SFMBT2: variants seen among roughly 807,000 people sequenced by gnomAD.
SFMBT2 encodes Scm like with four mbt domains 2.
SFMBT2 carries 38 observed loss-of-function variants against 110.1 expected under a neutral mutation model. The observed-to-expected ratio is 0.35, with a 90% CI of 0.27 to 0.45. SFMBT2 has a LOEUF of 0.45. Ranked by LOEUF, SFMBT2 falls within the 20% of genes least tolerant of loss-of-function variation. SFMBT2 has a pLI of 1.00. For synonymous variants in SFMBT2, 425 were observed against 425.4 expected (o/e 1.00, Z 0.01); for missense variants, 1,011 against 1,094.9 (o/e 0.92, Z 1.08).
intron 11 of SFMBT2, among the ~76,000 whole-genome samples, chr10:7,218,257 A>G (rs1839608150): frequency 6.6e-6 from 1 of 152,200 alleles, no homozygotes; most frequent in South Asian, 2.1e-4. Context: ...TTTATTCCCA[A>G]CATGGAGGAA....
chr10:7,286,029 C>A (rs1842077705), intron 4 of SFMBT2, 75 bp from the exon 5 acceptor site: 2 of 756,180 alleles, frequency 2.6e-6, no homozygotes, highest in African/African-American at 1.7e-5. Flanking sequence ...AGTATCCAAT[C>A]AACTTAAAAT....
intron 4 of SFMBT2, among the ~76,000 whole-genome samples, chr10:7,309,827 T>C (rs1011863422): frequency 1.4e-4 from 21 of 152,116 alleles, no homozygotes; most frequent in Non-Finnish European, 2.6e-4. Flanking sequence ...TCTGTAACAA[T>C]GAAAAACCAA....
chr10:7,276,478 T>C (rs905824991), intron 7 of SFMBT2, among the ~76,000 whole-genome samples: 2 of 137,636 alleles, frequency 1.5e-5, no homozygotes, highest in African/African-American at 5.8e-5. Flanking sequence ...GCATTTAAAA[T>C]GGAAACTGGT....
At chr10:7,375,095 A>T (rs1845165294) in intron 2 of SFMBT2, among the ~76,000 whole-genome samples, 1 of 152,250 alleles carries the variant, frequency 6.6e-6, no homozygotes, top group Admixed American at 6.5e-5. Flanking sequence ...ACCGACTAGG[A>T]AAAGCTACGA....
At position 7,159,263 on chromosome 10, in the gene SFMBT2, G is replaced by C. The variant is rs1837488594; in HGVS notation, c.*4507C>G. 6.6e-6 allele frequency: 1 copy of C among 152,134 alleles called. No individual in the cohort carries two copies. 9.4% of individuals were successfully genotyped at this position (152,134 alleles called of 1,614,324 possible). A position where few individuals can be genotyped will look rare whatever the true frequency, so the allele number is the denominator to read the frequency against. ...GTTGTTACTTGTCATTGAAACTAGA[G>C]AGGTTTTAAACCAAAATTCAAGGCA... On this transcript the variant is annotated 3_prime_UTR_variant, in exon 21 of 21. Transcript: ENST00000397167.
At chr10:7,250,220 T>G (rs1840758400) in intron 7 of SFMBT2, among the ~76,000 whole-genome samples, 2 of 152,170 alleles carry the variant, frequency 1.3e-5, no homozygotes, top group South Asian at 4.2e-4. Context: ...ATAGGTAACT[T>G]TTCGACCCAT....
intron 13 of SFMBT2, 200 bp downstream of exon 13, chr10:7,202,280 C>T (rs2497443): frequency 0.99 from 270,784 of 273,244 alleles, 134,250 homozygotes; most frequent in East Asian, 1. Context: ...ATCTGGATTG[C>T]GAGTGCCTTG....
intron 9 of SFMBT2, among the ~76,000 whole-genome samples, chr10:7,239,834 G>A (rs1474847590): frequency 1.3e-5 from 2 of 152,098 alleles, no homozygotes; most frequent in South Asian, 2.1e-4. Flanking sequence ...AGTGAAGTGT[G>A]GATACGGTTG....
chr10:7,377,168 C>CA (rs58212127), intron 2 of SFMBT2, among the ~76,000 whole-genome samples: 33 of 83,822 alleles, frequency 3.9e-4, no homozygotes, highest in Non-Finnish European at 6.2e-4. Context: ...GACTCCATCT[C>CA]AAAAAAAAAA....
chr10:7,191,494 A>T (rs1317050941), intron 15 of SFMBT2, among the ~76,000 whole-genome samples: 1 of 152,236 alleles, frequency 6.6e-6, no homozygotes, highest in African/African-American at 2.4e-5. Flanking sequence ...TTCTTCTCTT[A>T]GGATTGTTCT....
intron 1 of SFMBT2, among the ~76,000 whole-genome samples, chr10:7,388,229 G>GTT (rs79691695): frequency 7.0e-6 from 1 of 142,670 alleles, no homozygotes. Context: ...AGCCAATGGA[G>GTT]TTTTTTTTTT....
intron 7 of SFMBT2, among the ~76,000 whole-genome samples, chr10:7,259,697 C>T (rs1841136691): frequency 6.6e-6 from 1 of 152,174 alleles, no homozygotes; most frequent in African/African-American, 2.4e-5. Context: ...TGGTCTCCTC[C>T]CCCTACACTT....
At chr10:7,201,707 T>C (rs1409046397) in intron 13 of SFMBT2, among the ~76,000 whole-genome samples, 1 of 152,246 alleles carries the variant, frequency 6.6e-6, no homozygotes, top group South Asian at 2.1e-4. Flanking sequence ...ATGTACATTT[T>C]GGCGTATTTT....
intron 14 of SFMBT2, among the ~76,000 whole-genome samples, chr10:7,198,639 C>T (rs1230666043): frequency 2.0e-5 from 3 of 152,212 alleles, no homozygotes; most frequent in Non-Finnish European, 4.4e-5. Flanking sequence ...CTTAAGTGTG[C>T]ATTACCTGTA....
intron 2 of SFMBT2, among the ~76,000 whole-genome samples, chr10:7,373,966 C>T (rs141286010): frequency 3.2e-4 from 48 of 152,182 alleles, no homozygotes; most frequent in Non-Finnish European, 5.7e-4. Flanking sequence ...CTGCAAATCA[C>T]AAACATGCAA....
chr10:7,349,241 G>C (rs1394958607), intron 4 of SFMBT2, among the ~76,000 whole-genome samples: 3 of 151,988 alleles, frequency 2.0e-5, no homozygotes, highest in African/African-American at 7.3e-5. Flanking sequence ...TCCAAATGGT[G>C]TGGAATGGCA....
intron 1 of SFMBT2, among the ~76,000 whole-genome samples, chr10:7,409,111 T>C (rs1227480640): frequency 6.8e-6 from 1 of 145,988 alleles, no homozygotes; most frequent in Admixed American, 6.7e-5. Context: ...CACCACCACT[T>C]TGGTCTTCTC....
intron 1 of SFMBT2, among the ~76,000 whole-genome samples, chr10:7,383,524 C>T (rs1341470448): frequency 6.6e-6 from 1 of 152,110 alleles, no homozygotes; most frequent in African/African-American, 2.4e-5. Context: ...CGTACTATAC[C>T]AGACACTGTG....
At chr10:7,220,290 G>T (rs1377043929) in intron 11 of SFMBT2, 121 bp downstream of exon 11, 1 of 714,848 alleles carries the variant, frequency 1.4e-6, no homozygotes. Flanking sequence ...AATAATTTAA[G>T]ATCTGTTTAA....
Sources: gnomAD v4.1 joint callset for allele counts (sites outside exome capture counted in the v4.1 genomes callset) on GRCh38, gnomAD v4.1.1 for gene constraint, MANE v1.5 for transcripts, NCBI Gene and HGNC (gene_info 2026-07-23, HGNC 2026-07-21) for gene names.